XIRP1: variants seen among roughly 807,000 people sequenced by gnomAD.
The protein encoded by XIRP1 is xin actin-binding repeat-containing protein 1.
For synonymous variants in XIRP1, 984 were observed against 947.0 expected (o/e 1.04, Z -0.72); for missense variants, 2,378 against 2,345.4 (o/e 1.01, Z -0.29).
Position 39,189,146 on chromosome 3 carries a change from G to T in XIRP1, c.300C>A (p.Asn100Lys). ...DVQCMRWIFE[N>K]WRLDAIGEHE... Reference sequence around the variant, plus strand: ...GTTCTCCAATGGCATCCAGTCTCCAGTTCTCAAAGATCCAGCGCATGCACT... The same window carrying T: ...GTTCTCCAATGGCATCCAGTCTCCATTTCTCAAAGATCCAGCGCATGCACT... Residue 100 changes from asparagine (N) to lysine (K), a missense_variant, in exon 2 of 2, where the codon AAC (asparagine) becomes AAA (lysine). Asn to Lys is a moderately conservative substitution (Grantham distance 94). Coordinates refer to ENST00000340369, the MANE Select transcript of XIRP1 (RefSeq NM_194293.4). The T allele has an allele frequency of 6.2e-7, 1 of 1,614,126 alleles. No individual in the cohort carries two copies. The highest frequency in any genetic ancestry group is 8.5e-7 in the Non-Finnish European group (1 of 1,180,038).
rs761190572 is a variant in XIRP1, at chr3:39,185,309, A to C, written c.4137T>G (p.Thr1379=). ...AIPQPAKVPT[T]VDQGHIPLAR... ...CCAGAGGTATGTGGCCCTGGTCTAC[A>C]GTAGTGGGAACCTTGGCTGGCTGAG... is the stretch of plus-strand genomic sequence containing the variant. The change falls in exon 2 of 2, where the codon ACT becomes ACG. Residue 1379 remains threonine, a synonymous_variant. Transcript: ENST00000340369. 3.1e-6 allele frequency: 5 copies of C among 1,614,160 alleles called. No homozygotes were observed. The South Asian group carries it at 5.5e-5, about 18-fold the overall frequency.
In XIRP1 at chr3:39,186,982, G is replaced by C. The variant is rs374125910; in HGVS notation, c.2464C>G (p.Leu822Val). ...QGHPYIRKEE[L>V]VSGELPRIIC... is the part of the protein sequence containing the mutation. ...ATCCTGGGAAGTTCACCTGACACCA[G>C]CTCCTCCTTTCGTATATAAGGGTGC... The change falls in exon 2 of 2, where the codon CTG (leucine) becomes GTG (valine). Residue 822 changes from leucine to valine, a missense_variant. Transcript: ENST00000340369. The C allele has an allele frequency of 2.5e-6, 4 of 1,605,278 alleles. No individual in the cohort carries two copies. The highest frequency in any genetic ancestry group is 3.3e-5 in the Admixed American group (2 of 59,868).
rs2040045708 is a variant in XIRP1 at position 39,189,091 on chromosome 3, G to A, written c.355C>T (p.Leu119=). ...GAGGTGGCCTGGACGTCACCACACA[G>A]CACGGGCTCCTTGGCAGCTGGCCTC... The part of the protein sequence containing the change: ...HERPAAKEPV[L]CGDVQATSRK... Residue 119 remains leucine (L), a synonymous_variant, in exon 2 of 2, where the codon CTG becomes TTG. Coordinates refer to ENST00000340369, the MANE Select transcript of XIRP1 (RefSeq NM_194293.4). The A allele has an allele frequency of 1.9e-6, 3 of 1,614,052 alleles. No individual in the cohort carries two copies. The highest frequency in any genetic ancestry group is 8.5e-7 in the Non-Finnish European group (1 of 1,180,048).
Position 39,187,931 on chromosome 3 carries a change from G to T in XIRP1, c.1515C>A (p.Val505=). 1 of 1,614,122 alleles carries T rather than the reference G, an allele frequency of 6.2e-7. No individual in the cohort carries two copies. The highest frequency in any genetic ancestry group is 8.5e-7 in the Non-Finnish European group (1 of 1,180,026). Residue 505 remains valine, a synonymous_variant, in exon 2 of 2, where the codon GTC becomes GTA. Transcript: ENST00000340369. ...ALTSVSREQI[V]GGDVQGYRWM... is the part of the protein sequence containing the mutation. The stretch of plus-strand genomic sequence containing the variant: ...ACCTGTAGCCCTGCACATCACCTCC[G>T]ACTATCTGCTCTCTGCTAACAGAGG...
At position 39,185,499 on chromosome 3, in the gene XIRP1, G is replaced by T; in HGVS notation, c.3947C>A (p.Pro1316His). Residue 1316 changes from proline (P) to histidine (H), a missense_variant, in exon 2 of 2, where the codon CCC becomes CAC. Pro to His is a moderately conservative substitution (Grantham distance 77). Transcript: ENST00000340369. ...GSQTKTPKLD[P>H]TMPPKKKPQL... is the part of the protein sequence containing the mutation. ...CGGCTTCTTCTTTGGGGGCATGGTG[G>T]GGTCCAGTTTTGGGGTCTTTGTCTG... 1 of 1,562,398 alleles carries T rather than the reference G, an allele frequency of 6.4e-7. No homozygotes were observed.
In XIRP1 at chr3:39,187,180, T is replaced by C; in HGVS notation, c.2266A>G (p.Met756Val). The change falls in exon 2 of 2, where the codon ATG (methionine) becomes GTG (valine). Residue 756 changes from methionine to valine, a missense_variant. Physicochemically the swap from Met to Val is conservative, Grantham distance 21. Transcript: ENST00000340369. ...QGGNLLEEQP[M>V]SPSGNRMQES... ...TGCATCCTGTTGCCTGAGGGGCTCA[T>C]GGGCTGCTCTTCCAGGAGGTTGCCC... The C allele has an allele frequency of 6.2e-7, 1 of 1,601,734 alleles. No homozygotes were observed. The highest frequency in any genetic ancestry group is 8.5e-7 in the Non-Finnish European group (1 of 1,170,518).
Position 39,184,166 on chromosome 3 carries a change from T to C in XIRP1, c.5280A>G (p.Gln1760=). ...TCACGGTTCTCATGGCTCCATAGTG[T>C]TGTGAGCTCCCTGGCCCCGTCTGTA... The part of the protein sequence containing the change: ...LELQTGPGSS[Q]HYGAMRTVTE... The change falls in exon 2 of 2, where the codon CAA becomes CAG. Residue 1760 remains glutamine, a synonymous_variant. Transcript: ENST00000340369. 6.2e-7 allele frequency: 1 copy of C among 1,614,014 alleles called. No individual in the cohort carries two copies. The highest frequency in any genetic ancestry group is 1.3e-5 in the African/African-American group (1 of 75,050).
chr3:39,186,883 GC>G lies in XIRP1; in HGVS notation c.2562del (p.Gln854HisfsTer7), dbSNP rs764940043. The G allele has an allele frequency of 2.0e-5, 33 of 1,613,928 alleles. No homozygotes were observed. Among genetic ancestry groups the G allele is most frequent in the Non-Finnish European group, 2.8e-5 (33 of 1,179,928 alleles). ...GGCAGCCTCAGCGGCTTGAGTTGGA[GC>G]TGGCCAGTTGGGTCTTCCTGCACCA... ...GLLVQEDPTG[Q>X]LQLKPLRLPT... On this transcript the variant is annotated frameshift_variant, in exon 2 of 2. Transcript: ENST00000340369. LOFTEE classifies it low-confidence loss of function (END_TRUNC).
intron 1 of XIRP1, among the ~76,000 whole-genome samples, chr3:39,191,008 C>T (rs191756775): frequency 6.6e-6 from 1 of 152,318 alleles, no homozygotes; most frequent in East Asian, 1.9e-4. Context: ...GTGCTAGAAC[C>T]TGGACACCTT....
rs369094006 is a variant in XIRP1 at position 39,189,397 on chromosome 3, C to T, written c.49G>A (p.Ala17Thr). 5.6e-6 allele frequency: 9 copies of T among 1,609,372 alleles called. No individual in the cohort carries two copies. Among genetic ancestry groups the T allele is most frequent in the African/African-American group, 5.3e-5 (4 of 74,870 alleles). ...GGGAGGGGCAGGTCCTCTGCAGTTG[C>T]CATCCTCATGGTTGGTGTGGGGGCC... The part of the protein sequence containing the change: ...QVAPTPTMRM[A>T]TAEDLPLPPP... Residue 17 changes from alanine to threonine, a missense_variant, in exon 2 of 2, where the codon GCA becomes ACA. By Grantham distance (58) the Ala-to-Thr change is moderately conservative (BLOSUM62 0). Coordinates refer to ENST00000340369, the MANE Select transcript of XIRP1 (RefSeq NM_194293.4).
Position 39,188,719 on chromosome 3 carries a change from T to A in XIRP1, c.727A>T (p.Ile243Phe), listed in dbSNP as rs1439600592. 2 of 1,613,754 alleles carry A rather than the reference T, an allele frequency of 1.2e-6. No homozygotes were observed. Among genetic ancestry groups the A allele is most frequent in the Admixed American group, 3.3e-5 (2 of 60,034 alleles). Residue 243 changes from isoleucine to phenylalanine, a missense_variant, in exon 2 of 2, where the codon ATC becomes TTC. By Grantham distance (21) the Ile-to-Phe change is conservative (BLOSUM62 0). Transcript: ENST00000340369. Reference protein sequence around the residue: ...KLFQTEPLCAIQDAEGAIHEV... With the variant: ...KLFQTEPLCAFQDAEGAIHEV... ...TGGATGGCGCCCTCTGCATCCTGGA[T>A]GGCACACAGGGGCTCCGTTTGGAAG... is the stretch of plus-strand genomic sequence containing the variant.
At position 39,185,380 on chromosome 3, in the gene XIRP1, C is replaced by A; in HGVS notation, c.4066G>T (p.Val1356Leu). ...LPLSPSFSSE[V>L]GQREHQRGER... is the part of the protein sequence containing the mutation. ...CCTCGTTGGTGTTCTCTTTGCCCCA[C>A]CTCCGAGGAAAAGCTGGGAGATAGA... is the stretch of plus-strand genomic sequence containing the variant. The change falls in exon 2 of 2, where the codon GTG becomes TTG. Residue 1356 changes from valine (V) to leucine (L), a missense_variant. Coordinates refer to ENST00000340369, the MANE Select transcript of XIRP1 (RefSeq NM_194293.4). 1.2e-6 allele frequency: 2 copies of A among 1,614,136 alleles called. No individual in the cohort carries two copies. The highest frequency in any genetic ancestry group is 1.7e-6 in the Non-Finnish European group (2 of 1,180,004).
Position 39,186,587 on chromosome 3 carries a change from A to G in XIRP1, c.2859T>C (p.Ser953=), listed in dbSNP as rs992511510. The G allele has an allele frequency of 6.2e-7, 1 of 1,610,366 alleles. No individual in the cohort carries two copies. The highest frequency in any genetic ancestry group is 8.5e-7 in the Non-Finnish European group (1 of 1,177,870). Residue 953 remains serine (S), a synonymous_variant, in exon 2 of 2, where the codon AGT becomes AGC. Transcript: ENST00000340369. ...SLRWEPPADP[S]PVPASEGAQS... is the part of the protein sequence containing the mutation. ...GGGCCCCCTCGCTGGCTGGCACTGG[A>G]CTCGGGTCAGCCGGGGGCTCCCACC... is the stretch of plus-strand genomic sequence containing the variant.
rs370515031 is a variant in XIRP1, at chr3:39,187,901, C to T, written c.1545G>A (p.Met515Ile). 1.9e-6 allele frequency: 3 copies of T among 1,614,010 alleles called. No individual in the cohort carries two copies. The African/African-American group carries it at 4.0e-5, about 22-fold the overall frequency. ...GCTGGTCTAGGGGCTGTGTCTCAAA[C>T]ATCCACCTGTAGCCCTGCACATCAC... ...VGGDVQGYRWMFETQPLDQLG... is the reference protein window; with the variant it reads ...VGGDVQGYRWIFETQPLDQLG... Residue 515 changes from methionine (M) to isoleucine (I), a missense_variant, in exon 2 of 2, where the codon ATG becomes ATA. Met to Ile is a conservative substitution (Grantham distance 10). Coordinates refer to ENST00000340369, the MANE Select transcript of XIRP1 (RefSeq NM_194293.4).
chr3:39,189,799 A>G (rs1388338385), intron 1 of XIRP1, among the ~76,000 whole-genome samples: 4 of 152,190 alleles, frequency 2.6e-5, no homozygotes, highest in Non-Finnish European at 4.4e-5. Context: ...ATAAACCTCC[A>G]GTGGGCAAAC....
At position 39,187,303 on chromosome 3, in the gene XIRP1, C is replaced by T. The variant is rs2039997788; in HGVS notation, c.2143G>A (p.Val715Ile). The stretch of plus-strand genomic sequence containing the variant: ...CCCGCGGGGATGGACCCAGCGATTA[C>T]CCGGGGCTCCTGTTCTTCCTTCTTG... ...AGKKEEQEPR[V>I]IAGSIPAGSV... is the part of the protein sequence containing the mutation. Residue 715 changes from valine (V) to isoleucine (I), a missense_variant, in exon 2 of 2, where the codon GTA becomes ATA. Physicochemically the swap from Val to Ile is conservative, Grantham distance 29 (BLOSUM62 3). Coordinates refer to ENST00000340369, the MANE Select transcript of XIRP1 (RefSeq NM_194293.4). 1 of 1,590,780 alleles carries T rather than the reference C, an allele frequency of 6.3e-7. No individual in the cohort carries two copies. The highest frequency in any genetic ancestry group is 8.6e-7 in the Non-Finnish European group (1 of 1,167,884).
chr3:39,188,473 C>T lies in XIRP1; in HGVS notation c.973G>A (p.Asp325Asn), dbSNP rs763682293. 3.8e-5 allele frequency: 61 copies of T among 1,601,464 alleles called. No individual in the cohort carries two copies. Among genetic ancestry groups the T allele is most frequent in the Non-Finnish European group, 5.1e-5 (60 of 1,171,426 alleles). ...PLDAIREILV[D>N]EKDFQPSPDL... ...GGGGATGGCTGGAAGTCCTTCTCAT[C>T]TACCAAGATCTCCCGGATGGCATCC... The change falls in exon 2 of 2, where the codon GAT (aspartate) becomes AAT (asparagine). Residue 325 changes from aspartate (D) to asparagine (N), a missense_variant. Coordinates refer to ENST00000340369, the MANE Select transcript of XIRP1 (RefSeq NM_194293.4).
At position 39,185,376 on chromosome 3, in the gene XIRP1, C is replaced by T. The variant is rs771004264; in HGVS notation, c.4070G>A (p.Gly1357Glu). The stretch of plus-strand genomic sequence containing the variant: ...CTCACCTCGTTGGTGTTCTCTTTGC[C>T]CCACCTCCGAGGAAAAGCTGGGAGA... ...PLSPSFSSEVGQREHQRGERD... is the reference protein window; with the variant it reads ...PLSPSFSSEVEQREHQRGERD... Residue 1357 changes from glycine to glutamate, a missense_variant, in exon 2 of 2, where the codon GGG becomes GAG. Physicochemically the swap from Gly to Glu is moderately conservative, Grantham distance 98. Coordinates refer to ENST00000340369, the MANE Select transcript of XIRP1 (RefSeq NM_194293.4). The T allele has an allele frequency of 5.0e-6, 8 of 1,613,996 alleles. No individual in the cohort carries two copies. The East Asian group carries it at 1.1e-4, about 22-fold the overall frequency.
In XIRP1 at chr3:39,185,649, C is replaced by T. The variant is rs571199422; in HGVS notation, c.3797G>A (p.Gly1266Glu). Residue 1266 changes from glycine (G) to glutamate (E), a missense_variant, in exon 2 of 2, where the codon GGA becomes GAA. Coordinates refer to ENST00000340369, the MANE Select transcript of XIRP1 (RefSeq NM_194293.4). ...PPPTLPAAVT[G>E]PDFPAGAHRA... The stretch of plus-strand genomic sequence containing the variant: ...GTGGGCTCCAGCTGGAAAGTCAGGT[C>T]CTGTCACAGCAGCTGGGAGAGTAGG... 6.2e-7 allele frequency: 1 copy of T among 1,613,490 alleles called. No homozygotes were observed. The highest frequency in any genetic ancestry group is 1.3e-5 in the African/African-American group (1 of 74,998).
Sources: allele counts gnomAD v4.1 joint callset (sites outside exome capture counted in the v4.1 genomes callset), GRCh38; gene constraint gnomAD v4.1.1; transcripts MANE v1.5; gene names NCBI Gene and HGNC (gene_info 2026-07-23, HGNC 2026-07-21).